Variants in MAP4K1 observed in about 807,000 individuals in gnomAD.
MAP4K1 encodes MAPK/ERK kinase kinase kinase 1.
In MAP4K1, 35 loss-of-function variants were observed where a neutral mutation model predicts 122.8. The ratio of observed to expected loss-of-function variants is 0.29; its 90% CI spans 0.22 to 0.38. MAP4K1 has a LOEUF of 0.38. Ranked by LOEUF, MAP4K1 falls within the 10% of genes least tolerant of loss-of-function variation. The pLI, the probability that MAP4K1 is intolerant of heterozygous loss-of-function variation, is 1.00. For missense variants in MAP4K1, 791 were observed against 1,072.6 expected, an observed-to-expected ratio of 0.74 and a Z score of 3.67; for synonymous variants, 412 against 421.3, an observed-to-expected ratio of 0.98 and a Z score of 0.27.
intron 19 of MAP4K1, among the ~76,000 whole-genome samples, chr19:38,603,118 G>GTACATATATACGCATA (rs1315248847): frequency 1.5e-5 from 1 of 66,054 alleles, no homozygotes; most frequent in Non-Finnish European, 3.0e-5. Flanking sequence ...ATATACACAT[G>GTACATATATACGCATA]TACATATATA....
At chr19:38,592,952 T>C in intron 30 of MAP4K1, among the ~76,000 whole-genome samples, 1 of 151,492 alleles carries the variant, frequency 6.6e-6, no homozygotes, top group East Asian at 1.9e-4. Flanking sequence ...AATAAAAGAA[T>C]TGCTGGGCAT....
intron 16 of MAP4K1, among the ~76,000 whole-genome samples, chr19:38,606,559 G>A (rs140893954): frequency 1.3e-5 from 2 of 152,308 alleles, no homozygotes; most frequent in East Asian, 3.9e-4. Context: ...AGGAGGCTGA[G>A]GTGGGAGGAT....
chr19:38,588,812 G>A (rs1444121618), intron 30 of MAP4K1, among the ~76,000 whole-genome samples: 2 of 151,616 alleles, frequency 1.3e-5, no homozygotes, highest in East Asian at 1.9e-4. Flanking sequence ...CCAGCTATTC[G>A]GGAGGCTGAG....
At chr19:38,595,765 A>G (rs768108272) in intron 27 of MAP4K1, 36 bp from the exon 28 acceptor site, 4 of 1,551,948 alleles carry the variant, frequency 2.6e-6, no homozygotes, top group Non-Finnish European at 3.5e-6. Context: ...AACTGTGAGC[A>G]AGGCTTAGAG....
chr19:38,608,222 C>T (rs769700375), intron 13 of MAP4K1, 52 bp from the exon 14 acceptor site: 8 of 850,820 alleles, frequency 9.4e-6, no homozygotes, highest in Admixed American at 5.3e-5. Flanking sequence ...CAAGGGGTAA[C>T]GAGATGGGTT....
At chr19:38,603,111 TAC>T (rs1348917040) in intron 19 of MAP4K1, among the ~76,000 whole-genome samples, 3 of 141,676 alleles carry the variant, frequency 2.1e-5, no homozygotes, top group Non-Finnish European at 4.6e-5. Context: ...TGTACATATA[TAC>T]ACATGTACAT....
chr19:38,609,518 G>C, intron 13 of MAP4K1, 78 bp downstream of exon 13: 4 of 1,246,816 alleles, frequency 3.2e-6, no homozygotes, highest in Non-Finnish European at 4.6e-6. Flanking sequence ...GTCTCTGGAG[G>C]CCTGATGGTA....
intron 22 of MAP4K1, among the ~76,000 whole-genome samples, chr19:38,599,384 A>G (rs1974993512): frequency 6.8e-6 from 1 of 146,978 alleles, no homozygotes; most frequent in East Asian, 2.1e-4. Flanking sequence ...ATCTAAGGCC[A>G]GGTGTGGTGG....
At chr19:38,613,748 G>A in intron 8 of MAP4K1, 132 bp downstream of exon 8, 1 of 692,604 alleles carries the variant, frequency 1.4e-6, no homozygotes, top group Non-Finnish European at 2.4e-6. Flanking sequence ...CACCCAGAGA[G>A]AATGAAAGAA....
rs1568618950 is a variant in MAP4K1 at position 38,590,397 on chromosome 19, ATATATATATATATAT to A, written c.2397-2595_2397-2581del. The stretch of plus-strand genomic sequence containing the variant: ...AGAAAAAAAAAAAAAAAAAAAAAAT[ATATATATATATATAT>A]ATATATATATATATATATATATATA... On this transcript the variant is annotated intron_variant, in intron 30 of 30. Coordinates refer to ENST00000396857, the MANE Select transcript of MAP4K1 (RefSeq NM_001042600.3). Among the ~76,000 whole-genome samples the A allele has an allele frequency of 1.6e-3, 48 of 29,746 alleles. 1 individual carries two copies. The highest frequency in any genetic ancestry group is 8.5e-3 in the African/African-American group (45 of 5,280). 19.5% of individuals were successfully genotyped at this position (29,746 alleles called of 152,430 possible). A position where few individuals can be genotyped will look rare whatever the true frequency, so the allele number is the denominator to read the frequency against.
chr19:38,614,326 G>A (rs1975584470), intron 5 of MAP4K1, 34 bp from the exon 6 acceptor site: 9 of 1,614,154 alleles, frequency 5.6e-6, no homozygotes, highest in Non-Finnish European at 7.6e-6. Flanking sequence ...GACAGTGAGT[G>A]TTTGGGGGCT....
Position 38,609,463 on chromosome 19 carries a change from G to A in MAP4K1, c.1006+133C>T, listed in dbSNP as rs148127882. 1.1e-3 allele frequency: 869 copies of A among 787,784 alleles called. 9 individuals carry two copies. The African/African-American group carries it at 0.014, about 12-fold the overall frequency. 48.8% of individuals were successfully genotyped at this position (787,784 alleles called of 1,614,324 possible). A position where few individuals can be genotyped will look rare whatever the true frequency, so the allele number is the denominator to read the frequency against. ...ACGGTCATTTTGTAGTTCAGGTGCT[G>A]ATGAGATTGTCTGGGGTCTCTTATA... is the stretch of plus-strand genomic sequence containing the variant. On this transcript the variant is annotated intron_variant, in intron 13 of 30. Transcript: ENST00000396857.
At chr19:38,613,784 G>A in intron 8 of MAP4K1, 96 bp downstream of exon 8, 2 of 926,824 alleles carry the variant, frequency 2.2e-6, no homozygotes, top group Non-Finnish European at 3.3e-6. Context: ...GGACGAGGCA[G>A]GGGAACGGAG....
intron 29 of MAP4K1, among the ~76,000 whole-genome samples, chr19:38,593,863 C>T (rs758660276): frequency 2.0e-5 from 3 of 152,064 alleles, no homozygotes; most frequent in Non-Finnish European, 4.4e-5. Flanking sequence ...GTCTGGGGAA[C>T]AGAGCGAGAC....
chr19:38,593,666 G>C (rs939487665), intron 29 of MAP4K1, among the ~76,000 whole-genome samples: 1 of 152,072 alleles, frequency 6.6e-6, no homozygotes, highest in Non-Finnish European at 1.5e-5. Context: ...TGCGCCACTG[G>C]GCGTGCCACT....
intron 19 of MAP4K1, among the ~76,000 whole-genome samples, chr19:38,603,969 G>A (rs1443976795): frequency 2.7e-5 from 4 of 148,846 alleles, no homozygotes; most frequent in African/African-American, 9.9e-5. Flanking sequence ...GGGCGACAGA[G>A]TGAGACTCCA....
At chr19:38,598,872 G>T (rs911022895) in intron 22 of MAP4K1, among the ~76,000 whole-genome samples, 1 of 150,186 alleles carries the variant, frequency 6.7e-6, no homozygotes, top group South Asian at 2.1e-4. Flanking sequence ...AATTAGCCGC[G>T]TGTGGTGGCA....
intron 19 of MAP4K1, among the ~76,000 whole-genome samples, chr19:38,604,313 T>C (rs1216090417): frequency 6.6e-6 from 1 of 151,984 alleles, no homozygotes; most frequent in Non-Finnish European, 1.5e-5. Context: ...ACATCTCCAT[T>C]TATGAGAGGT....
Position 38,590,396 on chromosome 19 carries a change from T to A in MAP4K1, c.2397-2579A>T, listed in dbSNP as rs1164168921. Among the ~76,000 whole-genome samples the A allele has an allele frequency of 2.9e-3, 77 of 26,318 alleles. 1 individual carries two copies. The highest frequency in any genetic ancestry group is 8.4e-3 in the East Asian group (5 of 598). The allele number at this position is 26,318 out of a possible 152,430, so 17.3% of individuals were successfully genotyped here. ...CAGAAAAAAAAAAAAAAAAAAAAAA[T>A]ATATATATATATATATATATATATA... is the stretch of plus-strand genomic sequence containing the variant. On this transcript the variant is annotated intron_variant, in intron 30 of 30. Coordinates refer to ENST00000396857, the MANE Select transcript of MAP4K1 (RefSeq NM_001042600.3).
Sources: allele counts gnomAD v4.1 joint callset (sites outside exome capture counted in the v4.1 genomes callset), GRCh38; gene constraint gnomAD v4.1.1; transcripts MANE v1.5; gene names NCBI Gene and HGNC (gene_info 2026-07-23, HGNC 2026-07-21).